ATP6V1C1: variants seen among roughly 807,000 people sequenced by gnomAD.
The protein encoded by ATP6V1C1 is V-type proton ATPase subunit C 1.
Under a neutral mutation model 53.9 loss-of-function variants are expected in ATP6V1C1, and 45 were observed. That is an observed-to-expected ratio of 0.83 (90% CI 0.66 to 1.07). ATP6V1C1 has a LOEUF of 1.07. Ranked by LOEUF, ATP6V1C1 falls within the 50% of genes least tolerant of loss-of-function variation. ATP6V1C1 has a pLI of 0.00. For missense variants in ATP6V1C1, 315 were observed against 440.3 expected (o/e 0.72, Z 2.55); for synonymous variants, 153 against 155.2 (o/e 0.99, Z 0.11).
chr8:103,063,282 A>C, intron 10 of ATP6V1C1, 54 bp downstream of exon 10: 1 of 1,168,784 alleles, frequency 8.6e-7, no homozygotes, highest in Non-Finnish European at 1.2e-6. Context: ...AAAAAGTGGT[A>C]TTGCTTTCCT....
intron 1 of ATP6V1C1, among the ~76,000 whole-genome samples, chr8:103,023,162 A>G (rs1816627430): frequency 6.6e-6 from 1 of 152,190 alleles, no homozygotes; most frequent in Non-Finnish European, 1.5e-5. Context: ...AGCATGGCTG[A>G]AACGGGGAGG....
At chr8:103,049,856 C>T (rs1316855789) in intron 4 of ATP6V1C1, among the ~76,000 whole-genome samples, 1 of 152,008 alleles carries the variant, frequency 6.6e-6, no homozygotes, top group Non-Finnish European at 1.5e-5. Flanking sequence ...AGTCAGGAGG[C>T]TGAGGAGGGG....
At chr8:103,028,180 T>C (rs763539824) in intron 1 of ATP6V1C1, among the ~76,000 whole-genome samples, 12 of 152,170 alleles carry the variant, frequency 7.9e-5, no homozygotes, top group Non-Finnish European at 1.3e-4. Flanking sequence ...AATCATTTTG[T>C]TAAGGGAGGC....
At chr8:103,059,334 A>G (rs1375395564) in intron 8 of ATP6V1C1, among the ~76,000 whole-genome samples, 1 of 151,962 alleles carries the variant, frequency 6.6e-6, no homozygotes, top group South Asian at 2.1e-4. Flanking sequence ...CCCCCCAACC[A>G]CATACCTGGT....
chr8:103,029,732 A>G (rs1052898854), intron 1 of ATP6V1C1, among the ~76,000 whole-genome samples: 10 of 141,982 alleles, frequency 7.0e-5, no homozygotes, highest in Admixed American at 2.8e-4. Flanking sequence ...ATTTTATTTA[A>G]AAAAAATTTT....
intron 3 of ATP6V1C1, among the ~76,000 whole-genome samples, chr8:103,047,430 G>A (rs13273597): frequency 0.28 from 29,162 of 104,160 alleles, 4,121 homozygotes; most frequent in Admixed American, 0.36. Flanking sequence ...AAATGCGCGC[G>A]CACACACACA....
intron 1 of ATP6V1C1, among the ~76,000 whole-genome samples, chr8:103,036,185 A>G (rs1042935927): frequency 5.3e-5 from 8 of 152,236 alleles, no homozygotes; most frequent in African/African-American, 1.7e-4. Flanking sequence ...AGAGTCAAAC[A>G]CAACTAAATT....
chr8:103,052,196 A>C (rs527291875), intron 5 of ATP6V1C1, among the ~76,000 whole-genome samples: 1 of 152,206 alleles, frequency 6.6e-6, no homozygotes, highest in East Asian at 1.9e-4. Context: ...AGCTATGTTA[A>C]AGTCAGTTCT....
rs373645213 is a variant in ATP6V1C1 at position 103,042,433 on chromosome 8, G to A, written c.200+26G>A. 1.9e-6 allele frequency: 3 copies of A among 1,598,442 alleles called. No homozygotes were observed. The African/African-American group carries it at 4.0e-5, about 21-fold the overall frequency. On this transcript the variant is annotated intron_variant, in intron 3 of 12. Transcript: ENST00000518738. ...GTAATGTACTTATATGCATGGAGTA[G>A]AGCAAAATGGGAGACACTATTATCA...
chr8:103,062,592 A>G (rs1195675437), intron 8 of ATP6V1C1, among the ~76,000 whole-genome samples: 1 of 152,204 alleles, frequency 6.6e-6, no homozygotes, highest in Non-Finnish European at 1.5e-5. Context: ...GAAAGGAAGA[A>G]AGAATTAGGC....
At position 103,055,765 on chromosome 8, in the gene ATP6V1C1, A is replaced by T. The variant is rs1372267961; in HGVS notation, c.573-103A>T. On this transcript the variant is annotated intron_variant, in intron 7 of 12. Transcript: ENST00000518738. ...TAAATAGAGTTGAAGTATACTTACT[A>T]TAGCCAGATTTCCTATTTGTCTCAT... 2.8e-6 allele frequency: 3 copies of T among 1,068,686 alleles called. No individual in the cohort carries two copies. In the East Asian group the frequency reaches 8.0e-5, roughly 28 times the overall value. 66.2% of individuals were successfully genotyped at this position (1,068,686 alleles called of 1,614,324 possible).
Position 103,068,701 on chromosome 8 carries a change from C to T in ATP6V1C1, c.1103C>T (p.Pro368Leu). The T allele has an allele frequency of 6.2e-7, 1 of 1,611,342 alleles. No individual in the cohort carries two copies. The highest frequency in any genetic ancestry group is 8.5e-7 in the Non-Finnish European group (1 of 1,178,890). ...GLNLSQQEYY[P>L]YVYYKIDCNL... is the part of the protein sequence containing the mutation. ...AACCTGAGTCAACAAGAATACTACCCCTATGTGTACTACAAGATTGATTGC... is the reference window on the plus strand; with the variant it reads ...AACCTGAGTCAACAAGAATACTACCTCTATGTGTACTACAAGATTGATTGC... The change falls in exon 13 of 13, where the codon CCC becomes CTC. Residue 368 changes from proline to leucine, a missense_variant. Coordinates refer to ENST00000518738, the MANE Select transcript of ATP6V1C1 (RefSeq NM_001695.5).
chr8:103,062,368 G>A (rs1817417668), intron 8 of ATP6V1C1, among the ~76,000 whole-genome samples: 1 of 151,542 alleles, frequency 6.6e-6, no homozygotes, highest in Non-Finnish European at 1.5e-5. Flanking sequence ...ACACAGTCTT[G>A]CCATGTTGCC....
At chr8:103,058,086 A>G (rs1817322135) in intron 8 of ATP6V1C1, among the ~76,000 whole-genome samples, 1 of 152,180 alleles carries the variant, frequency 6.6e-6, no homozygotes, top group South Asian at 2.1e-4. Context: ...GATGGTCTGT[A>G]GGCTCATTAA....
rs373066411 is a variant in ATP6V1C1 at position 103,065,129 on chromosome 8, T to C, written c.926+318T>C. Among the ~76,000 whole-genome samples the C allele has an allele frequency of 2.9e-4, 44 of 152,358 alleles. 1 individual carries two copies. Among genetic ancestry groups the C allele is most frequent in the African/African-American group, 9.1e-4 (38 of 41,572 alleles). On this transcript the variant is annotated intron_variant, in intron 11 of 12. Coordinates refer to ENST00000518738, the MANE Select transcript of ATP6V1C1 (RefSeq NM_001695.5). ...GATCCTTCAGGTGTTTTATATGTCA[T>C]TGGATACATAGTATGCTAATGACTT...
Position 103,053,893 on chromosome 8 carries a change from G to T in ATP6V1C1, c.483G>T (p.Leu161Phe). ...TGTTTTAATTCCTCAGAGGAAGTTT[G>T]CTAACTAGAAGTCTAGCAGAAATTG... ...QNLERKNAGSLLTRSLAEIVK... is the reference protein window; with the variant it reads ...QNLERKNAGSFLTRSLAEIVK... Residue 161 changes from leucine (L) to phenylalanine (F), a missense_variant, in exon 7 of 13, where the codon TTG becomes TTT. By Grantham distance (22) the Leu-to-Phe change is conservative. Transcript: ENST00000518738. 1 of 1,610,384 alleles carries T rather than the reference G, an allele frequency of 6.2e-7. No individual in the cohort carries two copies. Among genetic ancestry groups the T allele is most frequent in the South Asian group, 1.1e-5 (1 of 90,376 alleles).
At chr8:103,037,448 C>A (rs1002231169) in intron 1 of ATP6V1C1, among the ~76,000 whole-genome samples, 1 of 152,058 alleles carries the variant, frequency 6.6e-6, no homozygotes, top group Admixed American at 6.6e-5. Flanking sequence ...TCCAAAAATA[C>A]TTTTAAAATA....
intron 3 of ATP6V1C1, among the ~76,000 whole-genome samples, chr8:103,047,464 A>ACACACAT (rs137856477): frequency 0.14 from 17,639 of 122,148 alleles, 1,582 homozygotes; most frequent in Admixed American, 0.2. Flanking sequence ...ACACACACAC[A>ACACACAT]TTTTTTTTTT....
At chr8:103,039,087 T>C (rs1207230925) in intron 1 of ATP6V1C1, among the ~76,000 whole-genome samples, 2 of 152,234 alleles carry the variant, frequency 1.3e-5, no homozygotes, top group Non-Finnish European at 2.9e-5. Flanking sequence ...TAGAATATAG[T>C]TTCTTAACAT....
Sources: allele counts gnomAD v4.1 joint callset (sites outside exome capture counted in the v4.1 genomes callset), GRCh38; gene constraint gnomAD v4.1.1; transcripts MANE v1.5; gene names NCBI Gene and HGNC (gene_info 2026-07-23, HGNC 2026-07-21).